COL4A6: variants seen among roughly 807,000 people sequenced by gnomAD.
COL4A6 encodes collagen type IV alpha 6 chain, also known as collagen alpha-6(IV) chain.
In COL4A6, 59 loss-of-function variants were observed where a neutral mutation model predicts 126.7. That is an observed-to-expected ratio of 0.47 (90% confidence interval 0.38 to 0.58). COL4A6 has a LOEUF of 0.58. COL4A6 is among the 20% of genes least tolerant of loss of function. COL4A6 has a pLI of 0.00. For missense variants in COL4A6, 1,285 were observed against 1,337.3 expected (o/e 0.96, Z 0.61); for synonymous variants, 547 against 496.6 (o/e 1.10, Z -1.35).
Position 108,174,498 on chromosome X carries a change from A to G in COL4A6, c.3080T>C (p.Leu1027Ser), listed in dbSNP as rs1373937583. 1 of 1,209,097 alleles carries G rather than the reference A, an allele frequency of 8.3e-7. No homozygotes were observed. The highest frequency in any genetic ancestry group is 1.1e-6 in the Non-Finnish European group (1 of 894,769). Residue 1027 changes from leucine to serine, a missense_variant, in exon 31 of 45, where the codon TTA becomes TCA. By Grantham distance (145) the Leu-to-Ser change is moderately radical. Coordinates refer to ENST00000334504, the MANE Select transcript of COL4A6 (RefSeq NM_033641.4). ...CCCAGAGGACCCCTTCAGGCCAGGT[A>G]AGCCCCGGATTCCCATGAAGCCAGG... is the stretch of plus-strand genomic sequence containing the variant. ...GPPGFMGIRG[L>S]PGLKGSSGIT...
At chrX:108,172,714 G>C (rs2034352825) in intron 31 of COL4A6, among the ~76,000 whole-genome samples, 182 bp from the exon 32 acceptor site, 1 of 111,775 alleles carries the variant, frequency 8.9e-6, no homozygotes, top group Non-Finnish European at 1.9e-5. Context: ...GATGAACAAA[G>C]GGCAGAGCAC....
chrX:108,163,241 A>G, intron 40 of COL4A6: 1 of 380,923 alleles, frequency 2.6e-6, no homozygotes, highest in Non-Finnish European at 4.5e-6. Context: ...GGTAGCTCCA[A>G]GAGGGCAGGA....
intron 2 of COL4A6, among the ~76,000 whole-genome samples, chrX:108,371,590 A>C (rs988269492): frequency 9.2e-6 from 1 of 108,133 alleles, no homozygotes; most frequent in African/African-American, 3.4e-5. Flanking sequence ...AAAAAAAAAA[A>C]AAAAAACTCT....
Position 108,170,619 on chromosome X carries a change from T to C in COL4A6, c.3483A>G (p.Ile1161Met). The change falls in exon 35 of 45, where the codon ATA becomes ATG. Residue 1161 changes from isoleucine to methionine, a missense_variant. Physicochemically the swap from Ile to Met is conservative, Grantham distance 10 (BLOSUM62 1). Coordinates refer to ENST00000334504, the MANE Select transcript of COL4A6 (RefSeq NM_033641.4). The stretch of plus-strand genomic sequence containing the variant: ...CCCAAATACACATACCTTTGGGTCC[T>C]ATTAATCCGGGGGATCCTAGAGGCC... ...AIGPLGSPGL[I>M]GPKGFPGFPG... The C allele has an allele frequency of 8.3e-7, 1 of 1,202,282 alleles. No homozygotes were observed. The highest frequency in any genetic ancestry group is 3.0e-5 in the East Asian group (1 of 33,821).
At chrX:108,367,130 G>C (rs2040216691) in intron 2 of COL4A6, among the ~76,000 whole-genome samples, 1 of 112,213 alleles carries the variant, frequency 8.9e-6, no homozygotes, top group Non-Finnish European at 1.9e-5. Context: ...AAAGTTCAGA[G>C]AATATCAAAT....
intron 2 of COL4A6, among the ~76,000 whole-genome samples, chrX:108,403,708 C>A (rs2148214752): frequency 9.0e-6 from 1 of 111,395 alleles, no homozygotes; most frequent in South Asian, 3.8e-4. Context: ...GTTTTTTCAA[C>A]ACATCATACA....
chrX:108,288,375 A>AT (rs745947202), intron 3 of COL4A6, among the ~76,000 whole-genome samples: 29 of 111,345 alleles, frequency 2.6e-4, no homozygotes, highest in Middle Eastern at 4.7e-3. Flanking sequence ...AAAAAAGTAC[A>AT]TTTTTTTTGT....
intron 3 of COL4A6, among the ~76,000 whole-genome samples, chrX:108,307,802 C>T (rs1293086276): frequency 9.0e-6 from 1 of 111,680 alleles, no homozygotes; most frequent in Non-Finnish European, 1.9e-5. Context: ...GTCAATAGTG[C>T]TGGGGCCAAT....
intron 44 of COL4A6, among the ~76,000 whole-genome samples, chrX:108,157,691 A>G (rs111858733): frequency 0.053 from 5,880 of 111,348 alleles, 409 homozygotes; most frequent in African/African-American, 0.18. Context: ...TCTCTCAACC[A>G]TGCATTGTAC....
chrX:108,186,186 T>C (rs2148138926), intron 23 of COL4A6, among the ~76,000 whole-genome samples: 1 of 111,782 alleles, frequency 8.9e-6, no homozygotes, highest in East Asian at 2.8e-4. Flanking sequence ...ACTTTACAGA[T>C]ATTAAATTGG....
chrX:108,264,559 TGGA>T (rs1569392237), intron 3 of COL4A6, among the ~76,000 whole-genome samples: 1 of 111,761 alleles, frequency 8.9e-6, no homozygotes, highest in Non-Finnish European at 1.9e-5. Context: ...CTTCCTGCTT[TGGA>T]GGAGAAGAGC....
chrX:108,182,313 C>T (rs1569337159), intron 23 of COL4A6, among the ~76,000 whole-genome samples: 1 of 112,450 alleles, frequency 8.9e-6, no homozygotes, highest in Non-Finnish European at 1.9e-5. Context: ...TTATCTTGAA[C>T]TATTATCTTA....
rs2036471815 is a variant in COL4A6 at position 108,237,888 on chromosome X, ATC to A, written c.145-16516_145-16515del. 4.7e-5 allele frequency among the ~76,000 whole-genome samples: 5 copies of A among 106,011 alleles called. No homozygotes were observed. In the South Asian group the frequency reaches 2.2e-3, roughly 46 times the overall value. 92.1% of individuals were successfully genotyped at this position (106,011 alleles called of 115,157 possible). A position where few individuals can be genotyped will look rare whatever the true frequency, so the allele number is the denominator to read the frequency against. On this transcript the variant is annotated intron_variant, in intron 3 of 44. Transcript: ENST00000334504. ...TATCTATCTATCTATCTATCTATCT[ATC>A]TATCTATCTATCTATCTATGTATCA...
intron 2 of COL4A6, among the ~76,000 whole-genome samples, chrX:108,377,898 C>A (rs1219662967): frequency 1.1e-5 from 1 of 94,879 alleles, no homozygotes; most frequent in Non-Finnish European, 2.0e-5. Context: ...GCCGAGATCA[C>A]GCCACTGCAC....
intron 3 of COL4A6, among the ~76,000 whole-genome samples, chrX:108,276,743 G>A (rs1248700733): frequency 6.3e-5 from 7 of 111,503 alleles, no homozygotes; most frequent in African/African-American, 2.3e-4. Flanking sequence ...TCTTCCTAAG[G>A]CAGCAAGCCA....
At chrX:108,179,639 C>G (rs2034620753) in intron 25 of COL4A6, among the ~76,000 whole-genome samples, 1 of 110,197 alleles carries the variant, frequency 9.1e-6, no homozygotes, top group Non-Finnish European at 1.9e-5. Flanking sequence ...GGAGGAGGTT[C>G]TAGTTCTGGG....
chrX:108,397,657 C>CTT (rs2040995745), intron 2 of COL4A6, among the ~76,000 whole-genome samples: 1 of 97,969 alleles, frequency 1.0e-5, no homozygotes, highest in Non-Finnish European at 2.1e-5. Flanking sequence ...AAAAAAAAAA[C>CTT]ACATATGGAG....
intron 3 of COL4A6, among the ~76,000 whole-genome samples, chrX:108,309,087 T>C (rs2038698343): frequency 8.9e-6 from 1 of 111,989 alleles, no homozygotes; most frequent in South Asian, 3.7e-4. Context: ...TAGACATACG[T>C]GTACATATCT....
intron 3 of COL4A6, among the ~76,000 whole-genome samples, chrX:108,279,929 T>C (rs1294263145): frequency 9.0e-6 from 1 of 111,119 alleles, no homozygotes; most frequent in Non-Finnish European, 1.9e-5. Context: ...GAATTAAAGA[T>C]GTTCTTTGAA....
Sources: allele counts gnomAD v4.1 joint callset (sites outside exome capture counted in the v4.1 genomes callset), GRCh38; gene constraint gnomAD v4.1.1; transcripts MANE v1.5; gene names NCBI Gene and HGNC (gene_info 2026-07-23, HGNC 2026-07-21).